The following TBC1D2B variants were observed in gnomAD, a reference collection of about 807,000 sequenced individuals.
TBC1D2B encodes TBC1 domain family member 2B.
A neutral mutation model predicts 100.8 loss-of-function variants in TBC1D2B; 64 were observed. The observed-to-expected ratio is 0.64, with a 90% CI of 0.52 to 0.78. The LOEUF (loss-of-function observed/expected upper bound fraction) is 0.78. Among genes scored for constraint, TBC1D2B ranks in the 30% least tolerant of loss-of-function variants. The pLI is 0.00. For synonymous variants in TBC1D2B, 480 were observed against 479.7 expected, an observed-to-expected ratio of 1.00 and a Z score of -0.01; for missense variants, 1,052 against 1,218.4, an observed-to-expected ratio of 0.86 and a Z score of 2.03.
At chr15:78,006,904 C>A (rs887169548) in intron 10 of TBC1D2B, among the ~76,000 whole-genome samples, 1 of 152,210 alleles carries the variant, frequency 6.6e-6, no homozygotes, top group Non-Finnish European at 1.5e-5. Flanking sequence ...AAGACAGGGC[C>A]GTGGCCCTCA....
At chr15:78,012,232 C>T (rs35464105) in intron 9 of TBC1D2B, among the ~76,000 whole-genome samples, 1 of 152,224 alleles carries the variant, frequency 6.6e-6, no homozygotes, top group Non-Finnish European at 1.5e-5. Flanking sequence ...GGGAGCAAAC[C>T]TCAGTCCTCC....
At chr15:78,002,745 G>C (rs1290392866) in intron 11 of TBC1D2B, 3 of 152,996 alleles carry the variant, frequency 2.0e-5, no homozygotes, top group African/African-American at 7.2e-5. Context: ...GCCCGGCTAA[G>C]GTAAAGAATA....
intron 2 of TBC1D2B, among the ~76,000 whole-genome samples, chr15:78,051,181 T>C (rs1382680109): frequency 2.0e-5 from 3 of 152,254 alleles, no homozygotes; most frequent in African/African-American, 4.8e-5. Flanking sequence ...TTACTCCCTA[T>C]GTGTAAGTCC....
intron 1 of TBC1D2B, among the ~76,000 whole-genome samples, chr15:78,059,381 C>G (rs896028544): frequency 3.9e-5 from 6 of 152,204 alleles, no homozygotes; most frequent in African/African-American, 1.4e-4. Context: ...AATCCCAGGT[C>G]AAATATGGCA....
intron 3 of TBC1D2B, among the ~76,000 whole-genome samples, chr15:78,040,758 G>A (rs1270469448): frequency 2.2e-5 from 3 of 133,368 alleles, no homozygotes; most frequent in African/African-American, 5.7e-5. Flanking sequence ...AGGGAGGGAG[G>A]GAGAGAGGAA....
chr15:78,018,861 A>G (rs1290177842), intron 6 of TBC1D2B, among the ~76,000 whole-genome samples: 1 of 152,210 alleles, frequency 6.6e-6, no homozygotes, highest in Non-Finnish European at 1.5e-5. Flanking sequence ...TGCTAAGGAT[A>G]CTAAACCGAA....
intron 1 of TBC1D2B, among the ~76,000 whole-genome samples, chr15:78,056,169 C>T (rs1354783576): frequency 6.6e-6 from 1 of 152,200 alleles, no homozygotes; most frequent in African/African-American, 2.4e-5. Context: ...AATGAATAAT[C>T]AGAAAATGAT....
intron 12 of TBC1D2B, among the ~76,000 whole-genome samples, chr15:78,001,028 A>G (rs989745804): frequency 1.3e-5 from 2 of 152,214 alleles, no homozygotes; most frequent in African/African-American, 4.8e-5. Flanking sequence ...AGAAGTCTGC[A>G]ATCACCCTGA....
At chr15:78,044,788 C>A in intron 3 of TBC1D2B, 112 bp downstream of exon 3, 1 of 1,004,468 alleles carries the variant, frequency 1.0e-6, no homozygotes, top group Non-Finnish European at 1.4e-6. Context: ...ATGTAAACAA[C>A]AAAGGCCTTT....
intron 3 of TBC1D2B, 28 bp downstream of exon 3, chr15:78,044,872 T>C: frequency 6.4e-7 from 1 of 1,558,716 alleles, no homozygotes; most frequent in Non-Finnish European, 8.7e-7. Context: ...CCATTTTCAA[T>C]TTCATATGCT....
chr15:78,025,562 T>A, intron 4 of TBC1D2B, 65 bp from the exon 5 acceptor site: 1 of 1,281,118 alleles, frequency 7.8e-7, no homozygotes, highest in Admixed American at 2.6e-5. Flanking sequence ...AGTGTCGGTC[T>A]GTCGCCCAGG....
intron 3 of TBC1D2B, among the ~76,000 whole-genome samples, chr15:78,037,767 A>G (rs1193018396): frequency 6.6e-6 from 1 of 152,140 alleles, no homozygotes; most frequent in African/African-American, 2.4e-5. Flanking sequence ...CATGACAAGC[A>G]TTTTTTTAGT....
chr15:78,024,598 C>G, intron 5 of TBC1D2B, 59 bp from the exon 6 acceptor site: 1 of 1,474,538 alleles, frequency 6.8e-7, no homozygotes. Context: ...GGAGGAAAAG[C>G]AGAAATCATG....
intron 6 of TBC1D2B, among the ~76,000 whole-genome samples, chr15:78,023,561 G>A (rs2072571379): frequency 1.3e-5 from 2 of 152,178 alleles, no homozygotes; most frequent in African/African-American, 4.8e-5. Context: ...TTCTGTTCAG[G>A]CAATAGCCTC....
At chr15:78,029,674 A>T (rs1050220764) in intron 4 of TBC1D2B, among the ~76,000 whole-genome samples, 1 of 152,252 alleles carries the variant, frequency 6.6e-6, no homozygotes, top group Middle Eastern at 3.2e-3. Flanking sequence ...TGATGTGTGT[A>T]CACCAGAATT....
intron 1 of TBC1D2B, among the ~76,000 whole-genome samples, chr15:78,066,367 A>G (rs1486902000): frequency 6.6e-6 from 1 of 152,214 alleles, no homozygotes; most frequent in Non-Finnish European, 1.5e-5. Flanking sequence ...AGCCACCATC[A>G]TACAGGGTCA....
In TBC1D2B at chr15:78,028,649, G is replaced by A. The variant is rs527885373; in HGVS notation, c.847+1358C>T. Among the ~76,000 whole-genome samples the A allele has an allele frequency of 3.9e-5, 6 of 152,316 alleles. No individual in the cohort carries two copies. In the South Asian group the frequency reaches 6.2e-4, roughly 16 times the overall value. ...TCAGATGCGATACGATAGGAAGCAC[G>A]CAGCATCTCCCCACCAAAACAGCAT... is the stretch of plus-strand genomic sequence containing the variant. On this transcript the variant is annotated intron_variant, in intron 4 of 12. Transcript: ENST00000300584.
chr15:78,057,632 A>T (rs2073454068), intron 1 of TBC1D2B, among the ~76,000 whole-genome samples: 1 of 152,080 alleles, frequency 6.6e-6, no homozygotes, highest in South Asian at 2.1e-4. Context: ...GGCGACAGTG[A>T]GACTCTGTCT....
chr15:78,076,008 A>C (rs1344417254), intron 1 of TBC1D2B, among the ~76,000 whole-genome samples: 5 of 152,192 alleles, frequency 3.3e-5, no homozygotes, highest in Non-Finnish European at 7.3e-5. Context: ...CCAACCTGGA[A>C]TACGGAAGAG....
Sources: gnomAD v4.1 joint callset for allele counts (sites outside exome capture counted in the v4.1 genomes callset) on GRCh38, gnomAD v4.1.1 for gene constraint, MANE v1.5 for transcripts, NCBI Gene and HGNC (gene_info 2026-07-23, HGNC 2026-07-21) for gene names.